The following ZDHHC11B variants were observed in gnomAD, a reference collection of about 807,000 sequenced individuals.
ZDHHC11B encodes the protein probable palmitoyltransferase ZDHHC11B.
A neutral mutation model predicts 42.3 loss-of-function variants in ZDHHC11B; 17 were observed. The ratio of observed to expected loss-of-function variants is 0.40; its 90% CI spans 0.27 to 0.60. The LOEUF is 0.60. Ranked by LOEUF, ZDHHC11B falls within the 20% of genes least tolerant of loss-of-function variation. The pLI is 0.41. For synonymous variants in ZDHHC11B, 123 were observed against 193.5 expected, an observed-to-expected ratio of 0.64 and a Z score of 3.02; for missense variants, 262 against 463.2, an observed-to-expected ratio of 0.57 and a Z score of 3.99.
At position 727,242 on chromosome 5, in the gene ZDHHC11B, C is replaced by T. The variant is rs1275613012; in HGVS notation, c.1058+3192G>A. On this transcript the variant is annotated intron_variant, in intron 12 of 13. Transcript: ENST00000508859. ...GCCCCCAGCACGTTTCCGTGAAGGA[C>T]GGAGCTTCTGGGGCAACTCAGGAAG... is the stretch of plus-strand genomic sequence containing the variant. Among the ~76,000 whole-genome samples, 11 of 130,182 alleles carry T rather than the reference C, an allele frequency of 8.4e-5. 1 individual carries two copies. Among genetic ancestry groups the T allele is most frequent in the South Asian group, 5.5e-4 (2 of 3,636 alleles). 85.4% of individuals were successfully genotyped at this position (130,182 alleles called of 152,430 possible).
intron 1 of ZDHHC11B, among the ~76,000 whole-genome samples, chr5:778,296 TCGG>T (rs1182429851): frequency 2.0e-5 from 3 of 151,504 alleles, no homozygotes; most frequent in Non-Finnish European, 4.4e-5. Context: ...TGTCGGAGAC[TCGG>T]CGGCTGCAGA....
In ZDHHC11B at chr5:731,095, G is replaced by A. The variant is rs368812856; in HGVS notation, c.1024-627C>T. Among the ~76,000 whole-genome samples, 19 of 151,858 alleles carry A rather than the reference G, an allele frequency of 1.3e-4. No individual in the cohort carries two copies. In the East Asian group the frequency reaches 3.1e-3, roughly 25 times the overall value. On this transcript the variant is annotated intron_variant, in intron 11 of 13. Coordinates refer to ENST00000508859, the MANE Select transcript of ZDHHC11B (RefSeq NM_001351303.2). ...GCTCTTGGTTAAGAACCTGGGAGTG[G>A]GAGTGCTGGCTCATATGATAAGTAC...
intron 1 of ZDHHC11B, among the ~76,000 whole-genome samples, chr5:773,200 G>T (rs1202108838): frequency 1.3e-5 from 2 of 151,900 alleles, no homozygotes; most frequent in African/African-American, 2.4e-5. Context: ...CTACCTTGGC[G>T]CTCTCCACCG....
intron 1 of ZDHHC11B, among the ~76,000 whole-genome samples, chr5:773,801 C>G (rs534609632): frequency 6.6e-6 from 1 of 151,660 alleles, no homozygotes; most frequent in African/African-American, 2.4e-5. Flanking sequence ...CCAGGACCTG[C>G]TTGGAGACTG....
At chr5:762,253 C>G (rs1285715227) in intron 4 of ZDHHC11B, among the ~76,000 whole-genome samples, 1 of 151,386 alleles carries the variant, frequency 6.6e-6, no homozygotes, top group African/African-American at 2.4e-5. Context: ...CAGCCCTGGA[C>G]AGTCATGCCA....
At chr5:773,547 C>T (rs1465951128) in intron 1 of ZDHHC11B, among the ~76,000 whole-genome samples, 1 of 151,812 alleles carries the variant, frequency 6.6e-6, no homozygotes, top group African/African-American at 2.4e-5. Context: ...CAGGCCTGTG[C>T]CCACCATCTC....
chr5:718,643 C>T (rs1235277788), intron 12 of ZDHHC11B, among the ~76,000 whole-genome samples: 1 of 140,210 alleles, frequency 7.1e-6, no homozygotes, highest in Non-Finnish European at 1.5e-5. Context: ...TTGCAGTGAG[C>T]AGAGATTGTG....
intron 12 of ZDHHC11B, among the ~76,000 whole-genome samples, 177 bp downstream of exon 12, chr5:730,257 A>T (rs1330941757): frequency 6.6e-6 from 1 of 151,878 alleles, no homozygotes; most frequent in Admixed American, 6.6e-5. Flanking sequence ...TTTTTCAAGT[A>T]AGATCAGTGC....
At chr5:777,984 GC>G (rs1425202027) in intron 1 of ZDHHC11B, among the ~76,000 whole-genome samples, 1 of 151,902 alleles carries the variant, frequency 6.6e-6, no homozygotes, top group Non-Finnish European at 1.5e-5. Context: ...GGCGGCTGAG[GC>G]CCCGCGAGAA....
chr5:767,316 G>A (rs547366283), intron 3 of ZDHHC11B, 76 bp downstream of exon 3: 1 of 1,500,164 alleles, frequency 6.7e-7, no homozygotes, highest in South Asian at 1.2e-5. Context: ...CCACACACAT[G>A]TGGGGCTCCG....
chr5:745,564 G>C (rs56921179), intron 8 of ZDHHC11B, among the ~76,000 whole-genome samples: 22,036 of 146,048 alleles, frequency 0.15, 1,264 homozygotes, highest in African/African-American at 0.32. Flanking sequence ...CGCCTGCCAA[G>C]GCCTCATTGA....
At chr5:731,495 G>A (rs1199279544) in intron 11 of ZDHHC11B, among the ~76,000 whole-genome samples, 4 of 150,720 alleles carry the variant, frequency 2.7e-5, no homozygotes, top group Non-Finnish European at 5.9e-5. Context: ...CATTTTGTGG[G>A]CTTTATTTCT....
At chr5:780,212 G>A (rs1342234913) in intron 1 of ZDHHC11B, among the ~76,000 whole-genome samples, 2 of 151,228 alleles carry the variant, frequency 1.3e-5, no homozygotes, top group Admixed American at 1.3e-4. Flanking sequence ...AGACACACTA[G>A]ATCCCAGACT....
chr5:759,089 A>T (rs551964986), intron 4 of ZDHHC11B, among the ~76,000 whole-genome samples: 1 of 152,048 alleles, frequency 6.6e-6, no homozygotes, highest in South Asian at 2.1e-4. Flanking sequence ...GAGCAATAAA[A>T]AGTAAAAGAA....
intron 10 of ZDHHC11B, among the ~76,000 whole-genome samples, chr5:734,149 C>G (rs1482809391): frequency 7.0e-6 from 1 of 142,004 alleles, no homozygotes; most frequent in Non-Finnish European, 1.5e-5. Context: ...AGAGTGATGG[C>G]AGATGGGAGA....
chr5:776,290 G>A (rs1282826934), intron 1 of ZDHHC11B, among the ~76,000 whole-genome samples: 2 of 151,858 alleles, frequency 1.3e-5, no homozygotes, highest in East Asian at 1.9e-4. Context: ...CACGGCCACA[G>A]GTCCCACCTT....
At chr5:718,387 AGCTGG>A (rs1297376739) in intron 12 of ZDHHC11B, among the ~76,000 whole-genome samples, 1 of 151,748 alleles carries the variant, frequency 6.6e-6, no homozygotes, top group African/African-American at 2.4e-5. Flanking sequence ...AGAAAGGAGA[AGCTGG>A]GCTGGGTGCA....
intron 8 of ZDHHC11B, among the ~76,000 whole-genome samples, chr5:746,328 G>A (rs1744812265): frequency 6.8e-6 from 1 of 147,444 alleles, no homozygotes; most frequent in Non-Finnish European, 1.5e-5. Flanking sequence ...GCCCTCACAG[G>A]ATGCGTCTCA....
At chr5:746,282 G>A (rs1302380165) in intron 8 of ZDHHC11B, among the ~76,000 whole-genome samples, 2 of 146,264 alleles carry the variant, frequency 1.4e-5, no homozygotes, top group African/African-American at 2.5e-5. Context: ...AGCAGATGGC[G>A]GTGGGCACCC....
Sources: gnomAD v4.1 joint callset for allele counts (sites outside exome capture counted in the v4.1 genomes callset) on GRCh38, gnomAD v4.1.1 for gene constraint, MANE v1.5 for transcripts, NCBI Gene and HGNC (gene_info 2026-07-23, HGNC 2026-07-21) for gene names.